Variants in NUDCD3 observed in about 807,000 individuals in gnomAD.
The protein encoded by NUDCD3 is NudC domain containing 3.
In NUDCD3, 13 loss-of-function variants were observed where a neutral mutation model predicts 39.7. The observed-to-expected ratio is 0.33, with a 90% CI of 0.21 to 0.52. The LOEUF is 0.52. NUDCD3 is among the 20% of genes least tolerant of loss of function. The pLI is 0.96. For synonymous variants in NUDCD3, 175 were observed against 172.4 expected, an observed-to-expected ratio of 1.02 and a Z score of -0.12; for missense variants, 453 against 458.1, an observed-to-expected ratio of 0.99 and a Z score of 0.10.
intron 3 of NUDCD3, among the ~76,000 whole-genome samples, chr7:44,416,020 A>T (rs771658376): frequency 2.6e-5 from 4 of 152,222 alleles, no homozygotes; most frequent in Non-Finnish European, 4.4e-5. Flanking sequence ...CAAAGTTTTA[A>T]GTGAGGTACG....
intron 3 of NUDCD3, among the ~76,000 whole-genome samples, chr7:44,404,888 A>G (rs1288929525): frequency 6.6e-6 from 1 of 152,144 alleles, no homozygotes; most frequent in East Asian, 1.9e-4. Flanking sequence ...ACGGAGACCA[A>G]TTGTCACAGC....
rs1258455683 is a variant in NUDCD3 at position 44,384,530 on chromosome 7, C to CA, written c.*1480dup. On this transcript the variant is annotated 3_prime_UTR_variant, in exon 6 of 6. Transcript: ENST00000355451. ...AAGACTTCCCAGGAATGCTTTCTTA[C>CA]AAGGGGTGTCAGCCACCACTGTAAA... The CA allele has an allele frequency of 6.6e-6, 1 of 152,226 alleles. No individual in the cohort carries two copies. The highest frequency in any genetic ancestry group is 1.9e-4 in the East Asian group (1 of 5,196). The allele number at this position is 152,226 out of a possible 1,614,324, so 9.4% of individuals were successfully genotyped here. A position where few individuals can be genotyped will look rare whatever the true frequency, so the allele number is the denominator to read the frequency against.
At chr7:44,458,912 G>A (rs1313202048) in intron 2 of NUDCD3, among the ~76,000 whole-genome samples, 1 of 148,578 alleles carries the variant, frequency 6.7e-6, no homozygotes, top group African/African-American at 2.5e-5. Context: ...TACTGACACT[G>A]GCTGCAGGAT....
chr7:44,465,111 C>A (rs6950488), intron 2 of NUDCD3, among the ~76,000 whole-genome samples: 1 of 152,032 alleles, frequency 6.6e-6, no homozygotes, highest in Non-Finnish European at 1.5e-5. Flanking sequence ...AGACCCCACA[C>A]GAGCATGGGA....
Position 44,429,413 on chromosome 7 carries a change from T to C in NUDCD3, c.510-1710A>G, listed in dbSNP as rs137867385. 7.2e-4 allele frequency among the ~76,000 whole-genome samples: 109 copies of C among 152,220 alleles called. 1 individual carries two copies. In the East Asian group the frequency reaches 0.019, roughly 27 times the overall value. ...TGGAGACAATGGGGTGATGTGCCTA[T>C]AGGCCAAAAAACGTCAAGGACCGCA... On this transcript the variant is annotated intron_variant, in intron 2 of 5. Transcript: ENST00000355451.
chr7:44,479,584 A>T (rs1800446717), intron 2 of NUDCD3, among the ~76,000 whole-genome samples: 3 of 152,218 alleles, frequency 2.0e-5, no homozygotes, highest in African/African-American at 4.8e-5. Flanking sequence ...TAAGCATGTG[A>T]TGTGACTTTA....
chr7:44,451,590 C>T lies in NUDCD3; in HGVS notation c.510-23887G>A, dbSNP rs182570471. Among the ~76,000 whole-genome samples, 44 of 152,022 alleles carry T rather than the reference C, an allele frequency of 2.9e-4. No individual in the cohort carries two copies. In the East Asian group the frequency reaches 6.8e-3, roughly 23 times the overall value. On this transcript the variant is annotated intron_variant, in intron 2 of 5. Transcript: ENST00000355451. ...TTCTAGGAAATATAATCTATCGTGACAGAAAACAGAGCCGTGGTTGCCTAA... is the reference window on the plus strand; with the variant it reads ...TTCTAGGAAATATAATCTATCGTGATAGAAAACAGAGCCGTGGTTGCCTAA...
chr7:44,438,235 T>C (rs1175318386), intron 2 of NUDCD3, among the ~76,000 whole-genome samples: 1 of 152,114 alleles, frequency 6.6e-6, no homozygotes, highest in African/African-American at 2.4e-5. Flanking sequence ...CTTACCTTAG[T>C]CTTTACCCAA....
chr7:44,445,553 C>A (rs1442766890), intron 2 of NUDCD3, among the ~76,000 whole-genome samples: 1 of 152,194 alleles, frequency 6.6e-6, no homozygotes, highest in African/African-American at 2.4e-5. Flanking sequence ...AAGGTCTCTG[C>A]AGGTTGCTCC....
intron 2 of NUDCD3, among the ~76,000 whole-genome samples, chr7:44,476,623 C>CCTTATAAA (rs1211887378): frequency 5.3e-5 from 8 of 152,178 alleles, no homozygotes; most frequent in African/African-American, 1.9e-4. Flanking sequence ...TATAAGCCAC[C>CCTTATAAA]CAGGCTACAG....
intron 3 of NUDCD3, among the ~76,000 whole-genome samples, chr7:44,426,747 G>A (rs376657967): frequency 2.0e-5 from 3 of 147,170 alleles, no homozygotes; most frequent in African/African-American, 7.5e-5. Flanking sequence ...AGTGAGCTGA[G>A]ATCCCGCCAC....
intron 2 of NUDCD3, among the ~76,000 whole-genome samples, chr7:44,478,224 A>C (rs1800418254): frequency 6.6e-6 from 1 of 152,224 alleles, no homozygotes; most frequent in Non-Finnish European, 1.5e-5. Flanking sequence ...ATCTGTGTGC[A>C]AATTCTCTCT....
intron 5 of NUDCD3, among the ~76,000 whole-genome samples, chr7:44,389,691 G>T (rs7806467): frequency 6.6e-6 from 1 of 152,120 alleles, no homozygotes; most frequent in Non-Finnish European, 1.5e-5. Flanking sequence ...ATCTGTGTCT[G>T]TCTTCCTCAC....
chr7:44,397,311 T>C (rs1798642858), intron 4 of NUDCD3, among the ~76,000 whole-genome samples: 1 of 152,226 alleles, frequency 6.6e-6, no homozygotes, highest in African/African-American at 2.4e-5. Flanking sequence ...TGCAATCAGG[T>C]AGAGAGCTGC....
chr7:44,479,513 C>T (rs1800445430), intron 2 of NUDCD3, among the ~76,000 whole-genome samples: 1 of 152,072 alleles, frequency 6.6e-6, no homozygotes, highest in South Asian at 2.1e-4. Flanking sequence ...AATATAAATA[C>T]ATTATTTTTA....
intron 2 of NUDCD3, among the ~76,000 whole-genome samples, chr7:44,466,841 AC>A (rs1349857314): frequency 6.6e-6 from 1 of 151,816 alleles, no homozygotes; most frequent in Non-Finnish European, 1.5e-5. Context: ...GTGTGCAAAC[AC>A]CCCCGCTTCC....
intron 2 of NUDCD3, among the ~76,000 whole-genome samples, chr7:44,431,437 C>T (rs1257209247): frequency 1.3e-5 from 2 of 152,180 alleles, no homozygotes; most frequent in African/African-American, 2.4e-5. Flanking sequence ...CAGACCCTTC[C>T]TGGCAGACTG....
rs1798280197 is a variant in NUDCD3, at chr7:44,379,980, A to G, written c.*6031T>C. 1 of 152,532 alleles carries G rather than the reference A, an allele frequency of 6.6e-6. No homozygotes were observed. The allele number at this position is 152,532 out of a possible 1,614,324, so 9.4% of individuals were successfully genotyped here. On this transcript the variant is annotated 3_prime_UTR_variant, in exon 6 of 6. Coordinates refer to ENST00000355451, the MANE Select transcript of NUDCD3 (RefSeq NM_015332.4). ...AGCTGGAGGTGGAAGCAAATGGGAA[A>G]ACGGTCTGGCATAAACAGACAAGCC...
At chr7:44,445,691 CACAA>C (rs1030181409) in intron 2 of NUDCD3, among the ~76,000 whole-genome samples, 50 of 152,312 alleles carry the variant, frequency 3.3e-4, no homozygotes, top group South Asian at 8.3e-4. Flanking sequence ...ATGAACACAA[CACAA>C]ACAGTCACAC....
Sources: allele counts gnomAD v4.1 joint callset (sites outside exome capture counted in the v4.1 genomes callset), GRCh38; gene constraint gnomAD v4.1.1; transcripts MANE v1.5; gene names NCBI Gene and HGNC (gene_info 2026-07-23, HGNC 2026-07-21).